The following GRM7 variants were observed in gnomAD, a reference collection of about 807,000 sequenced individuals.
GRM7 encodes the protein glutamate metabotropic receptor 7.
A neutral mutation model predicts 84.5 loss-of-function variants in GRM7; 35 were observed. The ratio of observed to expected loss-of-function variants is 0.41; its 90% CI spans 0.32 to 0.55. The LOEUF (loss-of-function observed/expected upper bound fraction) is 0.55, where lower values mean the gene tolerates loss of function less well. Among genes scored for constraint, GRM7 ranks in the 20% least tolerant of loss-of-function variants. The probability of loss-of-function intolerance (pLI) is 0.19; values close to 1 mark genes in which losing one functional copy is unlikely to be tolerated. For synonymous variants in GRM7, 487 were observed against 455.1 expected (o/e 1.07, Z -0.89); for missense variants, 1,003 against 1,194.6 (o/e 0.84, Z 2.36).
At chr3:7,101,967 ATTCAT>A (rs1256486143) in intron 1 of GRM7, among the ~76,000 whole-genome samples, 2 of 151,338 alleles carry the variant, frequency 1.3e-5, no homozygotes, top group African/African-American at 2.4e-5. Context: ...AAAATTATAA[ATTCAT>A]TTAATTTATT....
intron 7 of GRM7, among the ~76,000 whole-genome samples, chr3:7,557,849 C>T (rs573010336): frequency 9.2e-5 from 14 of 152,242 alleles, no homozygotes; most frequent in African/African-American, 3.4e-4. Flanking sequence ...GATCACCCCA[C>T]AGAACTTTTG....
At chr3:6,942,287 A>T (rs1457051074) in intron 1 of GRM7, among the ~76,000 whole-genome samples, 1 of 152,086 alleles carries the variant, frequency 6.6e-6, no homozygotes, top group African/African-American at 2.4e-5. Context: ...TATTTTTAAC[A>T]GCTTTTTGAG....
intron 8 of GRM7, among the ~76,000 whole-genome samples, chr3:7,628,370 A>G (rs918866941): frequency 5.9e-5 from 9 of 152,110 alleles, no homozygotes; most frequent in African/African-American, 2.2e-4. Flanking sequence ...AACTGGAACC[A>G]TTTCTCATTC....
intron 9 of GRM7, among the ~76,000 whole-genome samples, chr3:7,695,669 G>A (rs1008556329): frequency 2.6e-5 from 4 of 152,140 alleles, no homozygotes; most frequent in African/African-American, 9.7e-5. Flanking sequence ...TCCAGATTGT[G>A]ATGTGGCCAT....
intron 2 of GRM7, among the ~76,000 whole-genome samples, chr3:7,220,747 T>A (rs1205696938): frequency 6.6e-6 from 1 of 152,232 alleles, no homozygotes; most frequent in Non-Finnish European, 1.5e-5. Flanking sequence ...GTGCCTGTAA[T>A]TGTCTTCACA....
At chr3:7,182,887 C>A (rs908696052) in intron 2 of GRM7, among the ~76,000 whole-genome samples, 2 of 139,342 alleles carry the variant, frequency 1.4e-5, no homozygotes, top group African/African-American at 5.4e-5. Context: ...TTAGGCGTAA[C>A]GTGAAAGTGT....
At chr3:7,162,080 A>C (rs570676690) in intron 2 of GRM7, among the ~76,000 whole-genome samples, 4 of 152,196 alleles carry the variant, frequency 2.6e-5, no homozygotes, top group Admixed American at 6.5e-5. Context: ...GAGCAGATTT[A>C]AAGAATGGGG....
intron 9 of GRM7, among the ~76,000 whole-genome samples, chr3:7,702,672 C>T (rs1701267419): frequency 6.6e-6 from 1 of 152,132 alleles, no homozygotes; most frequent in Non-Finnish European, 1.5e-5. Context: ...AACACTTAAA[C>T]ACGTAAATAA....
chr3:7,301,911 G>T (rs1700016064), intron 3 of GRM7, among the ~76,000 whole-genome samples: 1 of 152,088 alleles, frequency 6.6e-6, no homozygotes, highest in Admixed American at 6.5e-5. Context: ...CTTTGTCAAA[G>T]GCTAGCAGTG....
intron 3 of GRM7, among the ~76,000 whole-genome samples, chr3:7,299,309 A>T (rs1302209729): frequency 1.3e-5 from 2 of 152,024 alleles, no homozygotes; most frequent in Non-Finnish European, 1.5e-5. Flanking sequence ...TGTAATCTTG[A>T]CTTTGCTTTT....
intron 7 of GRM7, among the ~76,000 whole-genome samples, chr3:7,554,855 A>C (rs747989793): frequency 2.6e-5 from 4 of 152,226 alleles, no homozygotes; most frequent in Non-Finnish European, 5.9e-5. Context: ...TTACAGCATA[A>C]ATACATGATG....
chr3:6,901,604 T>TAAAAAAAAAAAAAAAAAAA lies in GRM7; in HGVS notation c.519+39712_519+39730dup, dbSNP rs33945077. On this transcript the variant is annotated intron_variant, in intron 1 of 9. Transcript: ENST00000357716. Reference sequence around the variant, plus strand: ...CCTGGTGACAGAGCAAGACTCCGTCTAAAAAAAAAAAAAAAAAAAAAAAAA... The same window carrying TAAAAAAAAAAAAAAAAAAA: ...CCTGGTGACAGAGCAAGACTCCGTCTAAAAAAAAAAAAAAAAAAAAAAAAAAAAAAAAAAAAAAAAAAAA... Among the ~76,000 whole-genome samples, 8 of 40,492 alleles carry TAAAAAAAAAAAAAAAAAAA rather than the reference T, an allele frequency of 2.0e-4. 1 individual carries two copies. Among genetic ancestry groups the TAAAAAAAAAAAAAAAAAAA allele is most frequent in the African/African-American group, 5.7e-4 (6 of 10,492 alleles). 26.6% of individuals were successfully genotyped at this position (40,492 alleles called of 152,430 possible). A position where few individuals can be genotyped will look rare whatever the true frequency, so the allele number is the denominator to read the frequency against.
At chr3:7,247,115 AT>A (rs1235286397) in intron 2 of GRM7, among the ~76,000 whole-genome samples, 3 of 152,180 alleles carry the variant, frequency 2.0e-5, no homozygotes, top group Admixed American at 6.6e-5. Context: ...ATTTAAAAAA[AT>A]AAATCTTAAC....
chr3:7,666,459 C>T (rs1462872993), intron 8 of GRM7, among the ~76,000 whole-genome samples: 1 of 152,192 alleles, frequency 6.6e-6, no homozygotes, highest in Admixed American at 6.5e-5. Context: ...ATCTGCTTTG[C>T]AGCTTCTACA....
chr3:7,732,159 C>T (rs1225312284), intron 9 of GRM7, among the ~76,000 whole-genome samples: 1 of 152,148 alleles, frequency 6.6e-6, no homozygotes, highest in African/African-American at 2.4e-5. Flanking sequence ...CATTCTCCTG[C>T]CTCAGCCTCC....
chr3:6,951,673 G>A (rs1692770787), intron 1 of GRM7, among the ~76,000 whole-genome samples: 1 of 152,102 alleles, frequency 6.6e-6, no homozygotes, highest in Non-Finnish European at 1.5e-5. Flanking sequence ...TTATGGTCCA[G>A]AACATGCCCT....
rs41382344 is a variant in GRM7 at position 7,059,328 on chromosome 3, T to C, written c.520-87124T>C. 8.2e-3 allele frequency among the ~76,000 whole-genome samples: 1,246 copies of C among 151,938 alleles called. 13 individuals are homozygous for C. Among genetic ancestry groups the C allele is most frequent in the African/African-American group, 0.028 (1,157 of 41,526 alleles). ...GAACCACATCTAAAGAGCCACTTTT[T>C]ACTACTTGTTTATACACTGTCTCTC... On this transcript the variant is annotated intron_variant, in intron 1 of 9. Coordinates refer to ENST00000357716, the MANE Select transcript of GRM7 (RefSeq NM_000844.4).
chr3:7,676,997 C>T (rs1429070025), intron 8 of GRM7, among the ~76,000 whole-genome samples: 1 of 152,050 alleles, frequency 6.6e-6, no homozygotes, highest in Non-Finnish European at 1.5e-5. Context: ...CATGGTGGCT[C>T]ACGCCTGTAA....
intron 1 of GRM7, among the ~76,000 whole-genome samples, chr3:6,985,836 G>A (rs1694388421): frequency 6.6e-6 from 1 of 152,068 alleles, no homozygotes; most frequent in African/African-American, 2.4e-5. Flanking sequence ...CAAATATTAA[G>A]GTATTAATAC....
Sources: allele counts gnomAD v4.1 joint callset (sites outside exome capture counted in the v4.1 genomes callset), GRCh38; gene constraint gnomAD v4.1.1; transcripts MANE v1.5; gene names NCBI Gene and HGNC (gene_info 2026-07-23, HGNC 2026-07-21).